SYNPO2: variants seen among roughly 807,000 people sequenced by gnomAD.
SYNPO2 encodes the protein synaptopodin-2.
Under a neutral mutation model 85.0 loss-of-function variants are expected in SYNPO2, and 56 were observed. The ratio of observed to expected loss-of-function variants is 0.66; its 90% confidence interval spans 0.53 to 0.82. The LOEUF (loss-of-function observed/expected upper bound fraction) is 0.82. Among genes scored for constraint, SYNPO2 ranks in the 40% least tolerant of loss-of-function variants. The pLI, the probability that SYNPO2 is intolerant of heterozygous loss-of-function variation, is 0.00. For synonymous variants in SYNPO2, 602 were observed against 591.1 expected (o/e 1.02, Z -0.27); for missense variants, 1,575 against 1,534.2 (o/e 1.03, Z -0.44).
At chr4:118,878,364 AAAAT>A (rs542337497) in intron 1 of SYNPO2, among the ~76,000 whole-genome samples, 2 of 152,202 alleles carry the variant, frequency 1.3e-5, no homozygotes, top group Non-Finnish European at 2.9e-5. Flanking sequence ...TAAAAGTTAA[AAAAT>A]AAATAAGATG....
intron 1 of SYNPO2, among the ~76,000 whole-genome samples, chr4:119,020,940 TC>T (rs142424452): frequency 1.1e-3 from 163 of 151,492 alleles, no homozygotes; most frequent in Middle Eastern, 3.4e-3. Context: ...AAATTCTCTT[TC>T]TCATTGCTTT....
intron 1 of SYNPO2, among the ~76,000 whole-genome samples, chr4:118,916,175 GTT>G (rs535415722): frequency 7.0e-6 from 1 of 141,992 alleles, no homozygotes. Flanking sequence ...GGTTTTTTGG[GTT>G]TTTTTTTTTT....
chr4:118,899,469 C>T (rs1732649125), intron 1 of SYNPO2, among the ~76,000 whole-genome samples: 1 of 152,054 alleles, frequency 6.6e-6, no homozygotes, highest in South Asian at 2.1e-4. Flanking sequence ...GATGTGACCC[C>T]ATGGGGTACA....
At position 119,030,440 on chromosome 4, in the gene SYNPO2, C is replaced by T. The variant is rs376922988; in HGVS notation, c.1665C>T (p.Ile555=). ...RTQSSVSKSY[I]EVSHGLGHVP... is the part of the protein sequence containing the mutation. The stretch of plus-strand genomic sequence containing the variant: ...AGAGCTCTGTGAGCAAAAGCTACAT[C>T]GAGGTGAGTCATGGTCTTGGCCATG... Residue 555 remains isoleucine, a synonymous_variant, in exon 4 of 5, where the codon ATC becomes ATT. Coordinates refer to ENST00000307142, the MANE Select transcript of SYNPO2 (RefSeq NM_133477.3). The T allele has an allele frequency of 3.4e-5, 55 of 1,614,010 alleles. No homozygotes were observed. The highest frequency in any genetic ancestry group is 4.6e-5 in the Non-Finnish European group (54 of 1,180,036).
At chr4:118,948,812 C>CTCT (rs1262229785) in intron 1 of SYNPO2, among the ~76,000 whole-genome samples, 1 of 152,152 alleles carries the variant, frequency 6.6e-6, no homozygotes, top group Non-Finnish European at 1.5e-5. Context: ...TAGGCCCCAC[C>CTCT]TCCAGTTGGG....
intron 1 of SYNPO2, among the ~76,000 whole-genome samples, chr4:118,994,764 A>C (rs560185600): frequency 6.6e-6 from 1 of 152,192 alleles, no homozygotes; most frequent in Non-Finnish European, 1.5e-5. Context: ...TAAAGTTAAA[A>C]ATCGTAGGTG....
At chr4:118,856,205 T>C (rs531192058) in intron 1 of SYNPO2, among the ~76,000 whole-genome samples, 1 of 152,352 alleles carries the variant, frequency 6.6e-6, no homozygotes, top group Non-Finnish European at 1.5e-5. Context: ...AAGTAACATA[T>C]TCGGTGCTCA....
rs190866537 is a variant in SYNPO2 at position 119,041,907 on chromosome 4, C to T, written c.3252+9880C>T. 5 of 152,290 alleles carry T rather than the reference C, an allele frequency of 3.3e-5. No individual in the cohort carries two copies. In the East Asian group the frequency reaches 9.6e-4, roughly 29 times the overall value. 9.4% of individuals were successfully genotyped at this position (152,290 alleles called of 1,614,324 possible). ...GGAATTTGTTTTTGTAACATACAAC[C>T]CAGGTGATTCTGATGCTAATGGGCT... On this transcript the variant is annotated intron_variant, in intron 4 of 4. Coordinates refer to ENST00000307142, the MANE Select transcript of SYNPO2 (RefSeq NM_133477.3).
intron 1 of SYNPO2, among the ~76,000 whole-genome samples, chr4:118,998,426 G>T (rs1163821677): frequency 6.6e-6 from 1 of 152,188 alleles, no homozygotes; most frequent in Non-Finnish European, 1.5e-5. Flanking sequence ...GTCTGATGAT[G>T]AGAAAATTAA....
At chr4:118,908,641 T>C (rs1733023313) in intron 1 of SYNPO2, among the ~76,000 whole-genome samples, 1 of 152,086 alleles carries the variant, frequency 6.6e-6, no homozygotes, top group Non-Finnish European at 1.5e-5. Flanking sequence ...AATAAAAAAA[T>C]CTATCCTAAA....
At chr4:118,905,896 G>C (rs1295825284) in intron 1 of SYNPO2, among the ~76,000 whole-genome samples, 1 of 152,162 alleles carries the variant, frequency 6.6e-6, no homozygotes, top group Non-Finnish European at 1.5e-5. Context: ...TTTTGATATA[G>C]CTAATGTTAT....
At position 118,873,127 on chromosome 4, in the gene SYNPO2, G is replaced by A. The variant is rs75348611; in HGVS notation, c.12+22187G>A. On this transcript the variant is annotated intron_variant, in intron 1 of 4. Transcript: ENST00000610556. ...AAGGACATTTAGGTTGATTCTATAC[G>A]CTTGCTATTGTGAATAGTGCTGCAA... Among the ~76,000 whole-genome samples the A allele has an allele frequency of 6.1e-3, 923 of 151,986 alleles. 8 individuals are homozygous for A. Among genetic ancestry groups the A allele is most frequent in the Non-Finnish European group, 9.5e-3 (648 of 67,962 alleles).
At chr4:119,045,850 A>T (rs1006199461) in intron 4 of SYNPO2, among the ~76,000 whole-genome samples, 1 of 152,238 alleles carries the variant, frequency 6.6e-6, no homozygotes, top group African/African-American at 2.4e-5. Flanking sequence ...TCTAACTTGT[A>T]GAGTGACATA....
Position 118,895,940 on chromosome 4 carries a change from G to A in SYNPO2, c.105+6799G>A, listed in dbSNP as rs184829504. 3.5e-3 allele frequency among the ~76,000 whole-genome samples: 532 copies of A among 152,176 alleles called. 1 individual carries two copies. Among genetic ancestry groups the A allele is most frequent in the African/African-American group, 0.011 (456 of 41,510 alleles). On this transcript the variant is annotated intron_variant, in intron 1 of 4. Coordinates refer to ENST00000307142, the MANE Select transcript of SYNPO2 (RefSeq NM_133477.3). ...GTATATCTTATAATTTCCAAAGTGTGTCTTAATATATGTTATCTCTTTTAA... is the reference window on the plus strand; with the variant it reads ...GTATATCTTATAATTTCCAAAGTGTATCTTAATATATGTTATCTCTTTTAA...
chr4:118,889,171 G>C, intron 1 of SYNPO2, 30 bp downstream of exon 1: 1 of 1,598,494 alleles, frequency 6.3e-7, no homozygotes, highest in Non-Finnish European at 8.5e-7. Context: ...TCACGGCTCT[G>C]TGCTAGGAAG....
At chr4:119,037,668 A>T (rs1738572910) in intron 4 of SYNPO2, 1 of 979,802 alleles carries the variant, frequency 1.0e-6, no homozygotes. Flanking sequence ...TTAAGTTTCT[A>T]CTATATGCAG....
intron 2 of SYNPO2, among the ~76,000 whole-genome samples, chr4:119,024,753 T>C (rs1737867460): frequency 6.6e-6 from 1 of 152,110 alleles, no homozygotes; most frequent in Non-Finnish European, 1.5e-5. Flanking sequence ...GAAAATCAAG[T>C]CAAAAGCAAT....
intron 1 of SYNPO2, among the ~76,000 whole-genome samples, chr4:118,871,464 C>T (rs906807793): frequency 2.0e-5 from 3 of 151,958 alleles, no homozygotes; most frequent in African/African-American, 7.3e-5. Context: ...TTGTATTTCT[C>T]GTCTGTTCTA....
In SYNPO2 at chr4:118,882,080, A is replaced by AT. The variant is rs541863068; in HGVS notation, c.12+31144dup. Reference sequence around the variant, plus strand: ...TTTCTTTCAGAAGTTAACAATAAGCATTTTAAAGACTTTGCTGTCTTTGTC... The same window carrying AT: ...TTTCTTTCAGAAGTTAACAATAAGCATTTTTAAAGACTTTGCTGTCTTTGTC... On this transcript the variant is annotated intron_variant, in intron 1 of 4. Coordinates refer to the SYNPO2 transcript ENST00000610556. 6.3e-4 allele frequency among the ~76,000 whole-genome samples: 96 copies of AT among 152,356 alleles called. No individual in the cohort carries two copies. In the East Asian group the frequency reaches 9.4e-3, roughly 15 times the overall value.
Sources: gnomAD v4.1 joint callset for allele counts (sites outside exome capture counted in the v4.1 genomes callset) on GRCh38, gnomAD v4.1.1 for gene constraint, MANE v1.5 for transcripts, NCBI Gene and HGNC (gene_info 2026-07-23, HGNC 2026-07-21) for gene names.